Variants in RAB3C observed in about 807,000 individuals in gnomAD.
The protein encoded by RAB3C is RAB3C, member RAS oncogene family.
RAB3C carries 17 observed loss-of-function variants against 26.4 expected under a neutral mutation model. The observed-to-expected ratio is 0.64, with a 90% CI of 0.44 to 0.97. The LOEUF is 0.97. Ranked by LOEUF, RAB3C falls within the 50% of genes least tolerant of loss-of-function variation. The probability of loss-of-function intolerance (pLI) is 0.00; values close to 1 mark genes in which losing one functional copy is unlikely to be tolerated. For synonymous variants in RAB3C, 91 were observed against 95.9 expected, an observed-to-expected ratio of 0.95 and a Z score of 0.30; for missense variants, 242 against 281.9, an observed-to-expected ratio of 0.86 and a Z score of 1.01.
chr5:58,833,670 A>G (rs1327206305), intron 4 of RAB3C, among the ~76,000 whole-genome samples: 1 of 152,212 alleles, frequency 6.6e-6, no homozygotes, highest in Non-Finnish European at 1.5e-5. Flanking sequence ...ACATCCAGAA[A>G]AGTCAGAGAG....
chr5:58,717,380 G>A (rs1460968129), intron 2 of RAB3C, among the ~76,000 whole-genome samples: 8 of 152,056 alleles, frequency 5.3e-5, no homozygotes, highest in East Asian at 1.9e-4. Context: ...ATGACTGTAC[G>A]TAACCTGATG....
intron 2 of RAB3C, among the ~76,000 whole-genome samples, chr5:58,653,445 T>A (rs1747701823): frequency 6.6e-6 from 1 of 152,212 alleles, no homozygotes; most frequent in Non-Finnish European, 1.5e-5. Flanking sequence ...ATCCCATTAC[T>A]GGGTGTATAC....
chr5:58,828,175 C>T (rs1415430549), intron 4 of RAB3C, among the ~76,000 whole-genome samples: 1 of 152,156 alleles, frequency 6.6e-6, no homozygotes, highest in Non-Finnish European at 1.5e-5. Context: ...TAAGTGTTTA[C>T]AATATGCCAG....
intron 3 of RAB3C, among the ~76,000 whole-genome samples, chr5:58,749,001 G>T (rs1326734692): frequency 1.3e-5 from 2 of 151,956 alleles, no homozygotes; most frequent in Non-Finnish European, 2.9e-5. Context: ...AGTAGAGCCA[G>T]AAAATTGAAA....
chr5:58,710,463 G>T (rs930496565), intron 2 of RAB3C, among the ~76,000 whole-genome samples: 2 of 151,790 alleles, frequency 1.3e-5, no homozygotes, highest in African/African-American at 4.8e-5. Context: ...GCCCAGCATG[G>T]TGGCACACGC....
chr5:58,824,956 T>C, intron 3 of RAB3C, 82 bp from the exon 4 acceptor site: 1 of 934,156 alleles, frequency 1.1e-6, no homozygotes. Flanking sequence ...ACCATCATCA[T>C]CTGTGGAATG....
At chr5:58,655,789 C>CTTTTTTTTTTT (rs34352086) in intron 2 of RAB3C, among the ~76,000 whole-genome samples, 2 of 91,604 alleles carry the variant, frequency 2.2e-5, no homozygotes, top group Non-Finnish European at 4.1e-5. Flanking sequence ...AAACCTAACT[C>CTTTTTTTTTTT]TTTTTTTTTT....
rs1744275915 is a variant in RAB3C at position 58,857,027 on chromosome 5, AAT to A, written c.*5679_*5680del. ...CTGATATGTCTTAAATGTTGCATGA[AAT>A]ATGTTATAAAAATAGATTTGTTTTC... On this transcript the variant is annotated 3_prime_UTR_variant, in exon 5 of 5. Transcript: ENST00000282878. The A allele has an allele frequency of 6.6e-6, 1 of 152,326 alleles. No individual in the cohort carries two copies. Among genetic ancestry groups the A allele is most frequent in the African/African-American group, 2.4e-5 (1 of 41,572 alleles). The allele number at this position is 152,326 out of a possible 1,614,324, so 9.4% of individuals were successfully genotyped here. A position where few individuals can be genotyped will look rare whatever the true frequency, so the allele number is the denominator to read the frequency against.
intron 2 of RAB3C, among the ~76,000 whole-genome samples, chr5:58,669,224 C>T (rs966573996): frequency 5.9e-5 from 9 of 152,076 alleles, no homozygotes; most frequent in African/African-American, 1.9e-4. Flanking sequence ...GGTATAATTA[C>T]AAGCAATGAG....
chr5:58,627,515 A>C (rs113114929), intron 2 of RAB3C, among the ~76,000 whole-genome samples: 5,527 of 60,306 alleles, frequency 0.092, 540 homozygotes, highest in South Asian at 0.15. Context: ...AAAAAAAAAA[A>C]AAAACACAGC....
chr5:58,763,461 T>G (rs1380218430), intron 3 of RAB3C, among the ~76,000 whole-genome samples: 1 of 152,136 alleles, frequency 6.6e-6, no homozygotes. Context: ...CCCATGGATA[T>G]ACAGAGAGTA....
chr5:58,817,185 C>T (rs1283336482), intron 3 of RAB3C: 1 of 152,206 alleles, frequency 6.6e-6, no homozygotes, highest in African/African-American at 2.4e-5. Context: ...CAGCCTACTA[C>T]TGGATTTTCA....
At chr5:58,690,755 T>C (rs1748554626) in intron 2 of RAB3C, among the ~76,000 whole-genome samples, 1 of 151,948 alleles carries the variant, frequency 6.6e-6, no homozygotes, top group Non-Finnish European at 1.5e-5. Context: ...GCCTTTGTAG[T>C]TAAAGAAAAA....
At chr5:58,841,113 G>A (rs907890116) in intron 4 of RAB3C, among the ~76,000 whole-genome samples, 8 of 152,316 alleles carry the variant, frequency 5.3e-5, no homozygotes, top group African/African-American at 1.7e-4. Context: ...GCAGGGGGCA[G>A]GGGGCAGGGG....
chr5:58,648,839 C>A (rs1200519221), intron 2 of RAB3C, among the ~76,000 whole-genome samples: 1 of 152,134 alleles, frequency 6.6e-6, no homozygotes. Flanking sequence ...AAGTCCAATT[C>A]TGATTTTCTC....
chr5:58,681,668 G>A (rs1748347150), intron 2 of RAB3C, among the ~76,000 whole-genome samples: 1 of 152,190 alleles, frequency 6.6e-6, no homozygotes, highest in Non-Finnish European at 1.5e-5. Flanking sequence ...ATAGTGGCTG[G>A]AGTTGAGGAT....
rs1328527710 is a variant in RAB3C at position 58,691,587 on chromosome 5, C to T, written c.253-34415C>T. ...CAGGCATAATAGACTCTCTGAGAGA[C>T]ACTGACTGGGACTGAGACGGAACAG... On this transcript the variant is annotated intron_variant, in intron 2 of 4. Transcript: ENST00000282878. Among the ~76,000 whole-genome samples the T allele has an allele frequency of 6.6e-5, 10 of 152,254 alleles. No individual in the cohort carries two copies. The East Asian group carries it at 1.9e-3, about 29-fold the overall frequency.
chr5:58,786,935 G>A (rs180893202), intron 3 of RAB3C, among the ~76,000 whole-genome samples: 5 of 152,076 alleles, frequency 3.3e-5, no homozygotes, highest in South Asian at 2.1e-4. Flanking sequence ...GGCTTCCTAA[G>A]GATATCCGCG....
chr5:58,837,018 T>C (rs1743764511), intron 4 of RAB3C, among the ~76,000 whole-genome samples: 1 of 152,190 alleles, frequency 6.6e-6, no homozygotes, highest in Admixed American at 6.5e-5. Context: ...AAGAGTTTTC[T>C]TTTCTCTGCA....
Sources: allele counts gnomAD v4.1 joint callset (sites outside exome capture counted in the v4.1 genomes callset), GRCh38; gene constraint gnomAD v4.1.1; transcripts MANE v1.5; gene names NCBI Gene and HGNC (gene_info 2026-07-23, HGNC 2026-07-21).